Variants in CACNA2D1 observed in about 807,000 individuals in gnomAD.
The protein encoded by CACNA2D1 is calcium voltage-gated channel auxiliary subunit alpha2delta 1, also known as voltage-dependent calcium channel subunit alpha-2/delta-1.
A neutral mutation model predicts 171.5 loss-of-function variants in CACNA2D1; 53 were observed. That is an observed-to-expected ratio of 0.31 (90% CI 0.25 to 0.39). The LOEUF (loss-of-function observed/expected upper bound fraction) is 0.39. Ranked by LOEUF, CACNA2D1 falls within the 10% of genes least tolerant of loss-of-function variation. The probability of loss-of-function intolerance (pLI) is 1.00; values close to 1 mark genes in which losing one functional copy is unlikely to be tolerated. For missense variants in CACNA2D1, 903 were observed against 1,299.8 expected, an observed-to-expected ratio of 0.69 and a Z score of 4.69; for synonymous variants, 442 against 443.1, an observed-to-expected ratio of 1.00 and a Z score of 0.03.
intron 3 of CACNA2D1, among the ~76,000 whole-genome samples, chr7:82,250,770 GA>G (rs1805535918): frequency 6.6e-6 from 1 of 151,648 alleles, no homozygotes; most frequent in South Asian, 2.1e-4. Context: ...TTCTTTTCTT[GA>G]AAAGATTTCA....
intron 11 of CACNA2D1, 90 bp from the exon 12 acceptor site, chr7:82,032,991 G>C: frequency 1.3e-6 from 1 of 760,296 alleles, no homozygotes; most frequent in Non-Finnish European, 2.3e-6. Context: ...TGAGCAGGTT[G>C]CAAGTAATTA....
intron 22 of CACNA2D1, among the ~76,000 whole-genome samples, chr7:81,983,979 C>T (rs1323469644): frequency 6.6e-6 from 1 of 152,060 alleles, no homozygotes; most frequent in Non-Finnish European, 1.5e-5. Context: ...TTTTACTTTA[C>T]AAAATCTAGT....
At position 82,215,419 on chromosome 7, in the gene CACNA2D1, G is replaced by A. The variant is rs76778202; in HGVS notation, c.295-44810C>T. Among the ~76,000 whole-genome samples the A allele has an allele frequency of 7.6e-4, 116 of 152,218 alleles. 2 individuals carry two copies. In the East Asian group the frequency reaches 0.014, roughly 18 times the overall value. The stretch of plus-strand genomic sequence containing the variant: ...TAAACAGCAGAACGCAGACCAAACC[G>A]CAGGGTGTTTCAGTAACAGTATCAG... On this transcript the variant is annotated intron_variant, in intron 3 of 38. Coordinates refer to ENST00000356860, the MANE Select transcript of CACNA2D1 (RefSeq NM_000722.4).
At chr7:82,129,567 T>G (rs1790719712) in intron 5 of CACNA2D1, among the ~76,000 whole-genome samples, 1 of 152,212 alleles carries the variant, frequency 6.6e-6, no homozygotes, top group South Asian at 2.1e-4. Context: ...GTGGTTTTCA[T>G]TTTGATGGTT....
intron 10 of CACNA2D1, among the ~76,000 whole-genome samples, chr7:82,048,439 T>C (rs894539606): frequency 3.3e-5 from 5 of 152,182 alleles, no homozygotes; most frequent in African/African-American, 7.2e-5. Flanking sequence ...TTAGAACTTA[T>C]ACAAATTGTC....
intron 6 of CACNA2D1, among the ~76,000 whole-genome samples, chr7:82,106,145 T>G (rs1394787126): frequency 2.6e-5 from 4 of 152,220 alleles, no homozygotes; most frequent in Non-Finnish European, 5.9e-5. Flanking sequence ...ATAGTCCATT[T>G]AAAATCTTTG....
intron 5 of CACNA2D1, among the ~76,000 whole-genome samples, chr7:82,134,879 T>C (rs984844085): frequency 1.3e-5 from 2 of 152,142 alleles, no homozygotes; most frequent in African/African-American, 4.8e-5. Context: ...AGTGGACATA[T>C]ATGCTCAAAT....
intron 1 of CACNA2D1, among the ~76,000 whole-genome samples, chr7:82,377,380 C>T (rs565128155): frequency 6.6e-6 from 1 of 152,216 alleles, no homozygotes; most frequent in Non-Finnish European, 1.5e-5. Flanking sequence ...CATGTCTTGT[C>T]CCCTATTTTA....
intron 9 of CACNA2D1, among the ~76,000 whole-genome samples, chr7:82,061,023 T>TACATA (rs1481943167): frequency 1.3e-5 from 2 of 152,188 alleles, no homozygotes; most frequent in East Asian, 3.9e-4. Flanking sequence ...TTCATTTTTC[T>TACATA]TTCCTCTACA....
At chr7:82,292,507 C>T (rs1811771383) in intron 3 of CACNA2D1, among the ~76,000 whole-genome samples, 1 of 152,278 alleles carries the variant, frequency 6.6e-6, no homozygotes, top group African/African-American at 2.4e-5. Flanking sequence ...TGAAAATTTA[C>T]GTGCTTTACC....
At chr7:82,329,167 A>G (rs558766239) in intron 3 of CACNA2D1, among the ~76,000 whole-genome samples, 2 of 152,306 alleles carry the variant, frequency 1.3e-5, no homozygotes, top group East Asian at 1.9e-4. Context: ...ATCATCTAGC[A>G]CTTCCAGGAA....
At chr7:82,080,156 T>C (rs113440329) in intron 7 of CACNA2D1, among the ~76,000 whole-genome samples, 5 of 7,634 alleles carry the variant, frequency 6.5e-4, no homozygotes, top group African/African-American at 3.8e-3. Context: ...TATACCTATA[T>C]ATGTATATAG....
In CACNA2D1 at chr7:81,950,425, C is replaced by T. The variant is rs1554320801; in HGVS notation, c.3243G>A (p.Trp1081Ter). The T allele has an allele frequency of 6.2e-7, 1 of 1,612,940 alleles. No individual in the cohort carries two copies. Among genetic ancestry groups the T allele is most frequent in the Non-Finnish European group, 8.5e-7 (1 of 1,179,544 alleles). ...YIIGIQFLLL[W>*]LVSGSTHRLL The stretch of plus-strand genomic sequence containing the variant: ...GGCGGTGTGTGCTGCCAGATACCAG[C>T]CAAAGTAGTAGAAACTGGATTCCAA... The change falls in exon 39 of 39, where the codon TGG (tryptophan) becomes TGA (stop). Residue 1081 changes from tryptophan (W) to a stop codon, truncating the protein, a stop_gained. Coordinates refer to ENST00000356860, the MANE Select transcript of CACNA2D1 (RefSeq NM_000722.4). LOFTEE classifies it high-confidence loss of function.
chr7:82,092,883 T>TGTGCGTTTAAAAAAACATC (rs1205644863), intron 6 of CACNA2D1, among the ~76,000 whole-genome samples: 1 of 152,068 alleles, frequency 6.6e-6, no homozygotes, highest in Non-Finnish European at 1.5e-5. Context: ...AAATAAAATG[T>TGTGCGTTTAAAAAAACATC]GTGCGTTTAA....
intron 3 of CACNA2D1, 111 bp downstream of exon 3, chr7:82,335,022 AAC>A (rs1817816007): frequency 3.9e-6 from 3 of 769,370 alleles, no homozygotes; most frequent in East Asian, 2.5e-5. Flanking sequence ...ATATCAGATG[AAC>A]ACAGTTACTA....
At chr7:81,964,729 A>T (rs1388500096) in intron 32 of CACNA2D1, among the ~76,000 whole-genome samples, 1 of 151,968 alleles carries the variant, frequency 6.6e-6, no homozygotes, top group Non-Finnish European at 1.5e-5. Flanking sequence ...GAGATTCAAC[A>T]TACAACAGAG....
At chr7:82,255,088 C>A (rs1806139690) in intron 3 of CACNA2D1, among the ~76,000 whole-genome samples, 2 of 152,138 alleles carry the variant, frequency 1.3e-5, no homozygotes, top group Non-Finnish European at 2.9e-5. Context: ...TGCTGGTGTC[C>A]TTTAGGTACT....
intron 1 of CACNA2D1, among the ~76,000 whole-genome samples, chr7:82,378,996 G>A (rs866828115): frequency 3.9e-4 from 58 of 147,964 alleles, no homozygotes; most frequent in Middle Eastern, 7.0e-3. Context: ...TGTTATACTC[G>A]GGAGCTGCAT....
intron 1 of CACNA2D1, among the ~76,000 whole-genome samples, chr7:82,400,460 T>A (rs2129451712): frequency 6.6e-6 from 1 of 152,252 alleles, no homozygotes; most frequent in East Asian, 1.9e-4. Flanking sequence ...GGGGAAACGA[T>A]TCCCTATTTA....
Sources: gnomAD v4.1 joint callset for allele counts (sites outside exome capture counted in the v4.1 genomes callset) on GRCh38, gnomAD v4.1.1 for gene constraint, MANE v1.5 for transcripts, NCBI Gene and HGNC (gene_info 2026-07-23, HGNC 2026-07-21) for gene names.